The following SLC6A19 variants were observed in gnomAD, a reference collection of about 807,000 sequenced individuals.
The protein encoded by SLC6A19 is sodium-dependent neutral amino acid transporter B(0)AT1.
A neutral mutation model predicts 68.3 loss-of-function variants in SLC6A19; 67 were observed. The ratio of observed to expected loss-of-function variants is 0.98; its 90% CI spans 0.81 to 1.20. The LOEUF is 1.20. Among genes scored for constraint, SLC6A19 ranks in the 50% most tolerant of loss-of-function variants. The pLI is 0.00. For synonymous variants in SLC6A19, 392 were observed against 374.9 expected (o/e 1.05, Z -0.53); for missense variants, 813 against 851.6 (o/e 0.95, Z 0.56).
chr5:1,221,211 G>T lies in SLC6A19; in HGVS notation c.1599G>T (p.Thr533=). 1 of 1,614,138 alleles carries T rather than the reference G, an allele frequency of 6.2e-7. No individual in the cohort carries two copies. The highest frequency in any genetic ancestry group is 8.5e-7 in the Non-Finnish European group (1 of 1,180,014). Residue 533 remains threonine (T), a synonymous_variant, in exon 11 of 12, where the codon ACG becomes ACT. Coordinates refer to ENST00000304460, the MANE Select transcript of SLC6A19 (RefSeq NM_001003841.3). ...AGCCCAACATCTTCTGGCAAGTCAC[G>T]TGGCGCGTGGTCAGCCCCCTGCTCA... ...GHKPNIFWQV[T]WRVVSPLLML...
chr5:1,201,921 G>C (rs1399744352), intron 1 of SLC6A19, 69 bp downstream of exon 1: 23 of 1,533,782 alleles, frequency 1.5e-5, no homozygotes, highest in Middle Eastern at 2.0e-4. Flanking sequence ...CAGAGGCCCT[G>C]GGCAGACATC....
chr5:1,208,302 A>C (rs1745911715), intron 1 of SLC6A19, among the ~76,000 whole-genome samples: 1 of 152,196 alleles, frequency 6.6e-6, no homozygotes, highest in Non-Finnish European at 1.5e-5. Flanking sequence ...TGGCAGGTGC[A>C]GCTGGCACAG....
At chr5:1,219,401 C>T in intron 9 of SLC6A19, 104 bp from the exon 10 acceptor site, 1 of 1,516,898 alleles carries the variant, frequency 6.6e-7, no homozygotes, top group Non-Finnish European at 8.9e-7. Flanking sequence ...GTGAACAGCT[C>T]TGTCCCTGGC....
intron 4 of SLC6A19, 83 bp from the exon 5 acceptor site, chr5:1,213,365 CATGCCCCGCCCCCAT>C (rs1191852009): frequency 1.7e-5 from 3 of 177,020 alleles, no homozygotes; most frequent in African/African-American, 2.5e-4. Context: ...CCATTCCCCA[CATGCCCCGCCCCCAT>C]ATGCCCCGCC....
At position 1,221,978 on chromosome 5, in the gene SLC6A19, C is replaced by A; in HGVS notation, c.*74C>A. 6.6e-7 allele frequency: 1 copy of A among 1,513,038 alleles called. No homozygotes were observed. Among genetic ancestry groups the A allele is most frequent in the Non-Finnish European group, 9.1e-7 (1 of 1,104,020 alleles). 93.7% of individuals were successfully genotyped at this position (1,513,038 alleles called of 1,614,324 possible). A position where few individuals can be genotyped will look rare whatever the true frequency, so the allele number is the denominator to read the frequency against. On this transcript the variant is annotated 3_prime_UTR_variant, in exon 12 of 12. Transcript: ENST00000304460. Reference sequence around the variant, plus strand: ...ACCAGCAAGACCTGTGGGGTGGGGGCCGGGCTGCACCTGCATGTGTGTAAG... The same window carrying A: ...ACCAGCAAGACCTGTGGGGTGGGGGACGGGCTGCACCTGCATGTGTGTAAG...
chr5:1,218,808 T>G, intron 8 of SLC6A19, 95 bp from the exon 9 acceptor site: 1 of 1,304,752 alleles, frequency 7.7e-7, no homozygotes, highest in Non-Finnish European at 1.1e-6. Flanking sequence ...GCCCGCCCCA[T>G]GCTGCGTGGC....
At chr5:1,219,409 G>A (rs1476369757) in intron 9 of SLC6A19, 96 bp from the exon 10 acceptor site, 2 of 1,536,720 alleles carry the variant, frequency 1.3e-6, no homozygotes, top group Admixed American at 1.8e-5. Flanking sequence ...CTCTGTCCCT[G>A]GCCATATGTG....
Position 1,215,487 on chromosome 5 carries a change from G to A in SLC6A19, c.888-1071G>A, listed in dbSNP as rs370838511. Among the ~76,000 whole-genome samples, 28 of 152,324 alleles carry A rather than the reference G, an allele frequency of 1.8e-4. No individual in the cohort carries two copies. In the East Asian group the frequency reaches 2.7e-3, roughly 15 times the overall value. On this transcript the variant is annotated intron_variant, in intron 6 of 11. Transcript: ENST00000304460. This position sits in a 1 kb window ranked among gnomAD's most constrained non-coding sequence, Gnocchi z 5.1. ...TGTGCCTAGTCCGGACATTTCCTGC[G>A]AATGGGGTGGCCACATTGCCACAGC...
chr5:1,204,967 C>T lies in SLC6A19; in HGVS notation c.202+3115C>T, dbSNP rs879848210. Among the ~76,000 whole-genome samples, 5 of 152,260 alleles carry T rather than the reference C, an allele frequency of 3.3e-5. 1 individual carries two copies. In the South Asian group the frequency reaches 8.3e-4, roughly 25 times the overall value. On this transcript the variant is annotated intron_variant, in intron 1 of 11. Coordinates refer to ENST00000304460, the MANE Select transcript of SLC6A19 (RefSeq NM_001003841.3). ...TGAGAACTGCAGCTCCCTCCTCCCC[C>T]TCTCTCCTGGTTTCCTACTTTTTCA... is the stretch of plus-strand genomic sequence containing the variant.
At chr5:1,213,898 G>A (rs1746125868) in intron 5 of SLC6A19, 55 bp from the exon 6 acceptor site, 1 of 1,607,006 alleles carries the variant, frequency 6.2e-7, no homozygotes, top group African/African-American at 1.3e-5. Context: ...CACCCTCCCA[G>A]GTCCCCATGG....
At chr5:1,206,376 C>G (rs12658539) in intron 1 of SLC6A19, among the ~76,000 whole-genome samples, 54,127 of 115,770 alleles carry the variant, frequency 0.47, 9,850 homozygotes, top group Non-Finnish European at 0.51. Flanking sequence ...GTGTGTGTGT[C>G]TCTCTCTCTC....
At position 1,213,457 on chromosome 5, in the gene SLC6A19, C is replaced by T. The variant is rs2126504679; in HGVS notation, c.664-6C>T. On this transcript the variant is annotated splice_polypyrimidine_tract_variant and splice_region_variant and intron_variant, in intron 4 of 11. Coordinates refer to ENST00000304460, the MANE Select transcript of SLC6A19 (RefSeq NM_001003841.3). ...CCGCCCATCCCACATGTCCCGCCCTCCGCAGGCCGTGTACATCACCTCCAC... is the reference window on the plus strand; with the variant it reads ...CCGCCCATCCCACATGTCCCGCCCTTCGCAGGCCGTGTACATCACCTCCAC... The T allele has an allele frequency of 1.9e-6, 3 of 1,596,478 alleles. No homozygotes were observed. Among genetic ancestry groups the T allele is most frequent in the Non-Finnish European group, 1.7e-6 (2 of 1,173,962 alleles).
Position 1,214,112 on chromosome 5 carries a change from G to A in SLC6A19, c.887+47G>A. 2 of 1,612,644 alleles carry A rather than the reference G, an allele frequency of 1.2e-6. No individual in the cohort carries two copies. The highest frequency in any genetic ancestry group is 1.1e-5 in the South Asian group (1 of 91,050). On this transcript the variant is annotated intron_variant, in intron 6 of 11. Transcript: ENST00000304460. This position sits in a 1 kb window ranked among gnomAD's most constrained non-coding sequence, Gnocchi z 7.4. ...CTCAGTTTCCCTCTCAGTCCTGGGG[G>A]GATCTTGCTGGGAGGATAAAAGACA...
In SLC6A19 at chr5:1,212,934, C is replaced by T. The variant is rs374598754; in HGVS notation, c.663+450C>T. On this transcript the variant is annotated intron_variant, in intron 4 of 11. Transcript: ENST00000304460. This position sits in a 1 kb window ranked among gnomAD's most constrained non-coding sequence, Gnocchi z 5.1. ...GCCGGCAGCCTGTGAGGCCCTGTCC[C>T]CGTTCCCACTCGTCCCACATGCCCC... 8.6e-5 allele frequency among the ~76,000 whole-genome samples: 13 copies of T among 151,978 alleles called. No individual in the cohort carries two copies. Among genetic ancestry groups the T allele is most frequent in the Admixed American group, 3.3e-4 (5 of 15,284 alleles).
At chr5:1,216,131 G>T (rs1746199762) in intron 6 of SLC6A19, among the ~76,000 whole-genome samples, 1 of 152,204 alleles carries the variant, frequency 6.6e-6, no homozygotes, top group African/African-American at 2.4e-5. Flanking sequence ...AAATGGTGAG[G>T]TCTCAGCTGC....
intron 2 of SLC6A19, among the ~76,000 whole-genome samples, 200 bp from the exon 3 acceptor site, chr5:1,210,244 G>A (rs1230390888): frequency 1.3e-5 from 2 of 152,260 alleles, no homozygotes; most frequent in Non-Finnish European, 2.9e-5. Flanking sequence ...AGGAAGGTGT[G>A]AGCCTGGAAG....
Position 1,208,844 on chromosome 5 carries a change from C to G in SLC6A19, c.301C>G (p.Leu101Val), listed in dbSNP as rs772975003. ...AIGQRLRRGS[L>V]GVWSSIHPAL... ...CGGGCAGCGGCTGCGGCGGGGCAGC[C>G]TGGGTGTGTGGAGCTCCATCCACCC... The change falls in exon 2 of 12, where the codon CTG (leucine) becomes GTG (valine). Residue 101 changes from leucine to valine, a missense_variant. Transcript: ENST00000304460. The G allele has an allele frequency of 1.9e-6, 3 of 1,613,008 alleles. No individual in the cohort carries two copies. The South Asian group carries it at 3.3e-5, about 18-fold the overall frequency.
Position 1,222,473 on chromosome 5 carries a change from CA to C in SLC6A19, c.*570del, listed in dbSNP as rs1746418274. 1 of 432,470 alleles carries C rather than the reference CA, an allele frequency of 2.3e-6. No individual in the cohort carries two copies. Among genetic ancestry groups the C allele is most frequent in the Non-Finnish European group, 4.1e-6 (1 of 246,156 alleles). The allele number at this position is 432,470 out of a possible 1,614,324, so 26.8% of individuals were successfully genotyped here. Reference sequence around the variant, plus strand: ...GTGTGTGCGTTTGCAAGTATATATGCACATGTGTATATGTACATGTATGCCT... The same window carrying C: ...GTGTGTGCGTTTGCAAGTATATATGCCATGTGTATATGTACATGTATGCCT... On this transcript the variant is annotated 3_prime_UTR_variant, in exon 12 of 12. Coordinates refer to ENST00000304460, the MANE Select transcript of SLC6A19 (RefSeq NM_001003841.3).
Position 1,214,980 on chromosome 5 carries a change from T to C in SLC6A19, c.887+915T>C, listed in dbSNP as rs1257078305. ...GGGAGGGCTGGGGTGCAGAGGGAGA[T>C]GTGCTTGGAGGCACCTGCAGATGGG... On this transcript the variant is annotated intron_variant, in intron 6 of 11. Transcript: ENST00000304460. The surrounding 1 kb of genome is among the most constrained non-coding windows in gnomAD (Gnocchi z 7.4). Among the ~76,000 whole-genome samples, 1 of 151,788 alleles carries C rather than the reference T, an allele frequency of 6.6e-6. No individual in the cohort carries two copies. Among genetic ancestry groups the C allele is most frequent in the African/African-American group, 2.4e-5 (1 of 41,274 alleles).
Sources: gnomAD v4.1 joint callset for allele counts (sites outside exome capture counted in the v4.1 genomes callset) on GRCh38, gnomAD v4.1.1 for gene constraint, Gnocchi (gnomAD v3.1) non-coding constraint, MANE v1.5 for transcripts, NCBI Gene and HGNC (gene_info 2026-07-23, HGNC 2026-07-21) for gene names.